Variants in SH3GL2 observed in about 807,000 individuals in gnomAD.
SH3GL2 encodes endophilin-A1.
Under a neutral mutation model 46.0 loss-of-function variants are expected in SH3GL2, and 24 were observed. The observed-to-expected ratio is 0.52, with a 90% CI of 0.38 to 0.73. The LOEUF (loss-of-function observed/expected upper bound fraction) is 0.73, where lower values mean the gene tolerates loss of function less well. SH3GL2 is among the 30% of genes least tolerant of loss of function. The pLI is 0.00. For missense variants in SH3GL2, 413 were observed against 424.2 expected (o/e 0.97, Z 0.23); for synonymous variants, 196 against 147.1 (o/e 1.33, Z -2.40).
At chr9:17,611,282 G>A (rs1028788567) in intron 1 of SH3GL2, among the ~76,000 whole-genome samples, 3 of 152,102 alleles carry the variant, frequency 2.0e-5, no homozygotes, top group Admixed American at 6.5e-5. Flanking sequence ...TTATTTCATA[G>A]GGTAAACGTG....
At chr9:17,640,587 A>G (rs1819655942) in intron 1 of SH3GL2, among the ~76,000 whole-genome samples, 1 of 152,146 alleles carries the variant, frequency 6.6e-6, no homozygotes, top group African/African-American at 2.4e-5. Context: ...CCCACCTGCA[A>G]GGCTGTTGTG....
chr9:17,623,123 A>G (rs2134606471), intron 1 of SH3GL2, among the ~76,000 whole-genome samples: 2 of 120,884 alleles, frequency 1.7e-5, no homozygotes, highest in East Asian at 5.2e-4. Flanking sequence ...GCTTTAGTTC[A>G]CTGTTTGGAA....
intron 3 of SH3GL2, among the ~76,000 whole-genome samples, chr9:17,775,327 C>T (rs1045770692): frequency 3.9e-5 from 6 of 152,134 alleles, no homozygotes; most frequent in Middle Eastern, 3.4e-3. Flanking sequence ...GCCATTTCAA[C>T]GAAATAGCCG....
intron 1 of SH3GL2, among the ~76,000 whole-genome samples, chr9:17,687,802 A>G (rs555564764): frequency 6.6e-6 from 1 of 152,204 alleles, no homozygotes; most frequent in Non-Finnish European, 1.5e-5. Context: ...GTGAATCTCA[A>G]GGCAGTATGG....
At chr9:17,759,753 A>G (rs1454503289) in intron 2 of SH3GL2, among the ~76,000 whole-genome samples, 1 of 152,166 alleles carries the variant, frequency 6.6e-6, no homozygotes, top group Non-Finnish European at 1.5e-5. Context: ...TCAAACAGCC[A>G]TTGGAAAATT....
intron 3 of SH3GL2, among the ~76,000 whole-genome samples, chr9:17,761,858 A>G (rs1209398350): frequency 6.6e-6 from 1 of 152,228 alleles, no homozygotes; most frequent in Non-Finnish European, 1.5e-5. Context: ...AGTTTAAGGT[A>G]AGATATAATG....
intron 1 of SH3GL2, among the ~76,000 whole-genome samples, chr9:17,717,623 C>T (rs373454939): frequency 6.6e-6 from 1 of 152,080 alleles, no homozygotes; most frequent in Non-Finnish European, 1.5e-5. Flanking sequence ...GCCCTCTCTG[C>T]CTTCCAGGGA....
At chr9:17,632,741 A>G (rs1178647406) in intron 1 of SH3GL2, among the ~76,000 whole-genome samples, 1 of 152,184 alleles carries the variant, frequency 6.6e-6, no homozygotes, top group African/African-American at 2.4e-5. Flanking sequence ...GTGACAGGCA[A>G]GCTTTTAGCT....
intron 1 of SH3GL2, among the ~76,000 whole-genome samples, chr9:17,597,012 T>A (rs1484157610): frequency 1.3e-5 from 2 of 152,172 alleles, no homozygotes; most frequent in African/African-American, 4.8e-5. Flanking sequence ...TTCTGTGAAA[T>A]CATTTCTAGA....
intron 1 of SH3GL2, among the ~76,000 whole-genome samples, chr9:17,641,653 A>C (rs1819685919): frequency 1.3e-5 from 2 of 152,012 alleles, no homozygotes; most frequent in East Asian, 3.9e-4. Context: ...ATGTGTTCTC[A>C]TTGTTCAACA....
intron 1 of SH3GL2, among the ~76,000 whole-genome samples, chr9:17,710,817 G>A (rs1477982831): frequency 3.3e-5 from 5 of 151,872 alleles, no homozygotes; most frequent in African/African-American, 4.8e-5. Flanking sequence ...TAATAGTACA[G>A]CTCTCTCCTC....
intron 1 of SH3GL2, among the ~76,000 whole-genome samples, chr9:17,629,124 G>A (rs1819362396): frequency 6.6e-6 from 1 of 152,098 alleles, no homozygotes; most frequent in African/African-American, 2.4e-5. Flanking sequence ...TGGTTGGCTG[G>A]GAGGCAGGAG....
intron 3 of SH3GL2, among the ~76,000 whole-genome samples, chr9:17,776,450 G>A (rs1171136100): frequency 2.0e-5 from 3 of 152,056 alleles, no homozygotes; most frequent in Non-Finnish European, 4.4e-5. Flanking sequence ...AAGAATCTCA[G>A]GGGCTTTCCT....
chr9:17,665,358 G>A (rs919923032), intron 1 of SH3GL2, among the ~76,000 whole-genome samples: 3 of 151,980 alleles, frequency 2.0e-5, no homozygotes, highest in Non-Finnish European at 4.4e-5. Flanking sequence ...TAATTATTAT[G>A]TCTTAAGTTT....
At position 17,683,920 on chromosome 9, in the gene SH3GL2, A is replaced by G. The variant is rs1820838179; in HGVS notation, c.46-63146A>G. Among the ~76,000 whole-genome samples the G allele has an allele frequency of 2.0e-5, 3 of 152,058 alleles. 1 individual carries two copies. On this transcript the variant is annotated intron_variant, in intron 1 of 8. Transcript: ENST00000380607. ...GCTCTCAACTCCTGACTCCTGACTA[A>G]ATTGAATCAACTCCCCACACTTAAG...
At chr9:17,707,928 A>G (rs1465513300) in intron 1 of SH3GL2, among the ~76,000 whole-genome samples, 2 of 152,044 alleles carry the variant, frequency 1.3e-5, no homozygotes, top group Non-Finnish European at 2.9e-5. Flanking sequence ...AATCCAAATA[A>G]AAGGTGAGAC....
chr9:17,607,060 G>T (rs1341617473), intron 1 of SH3GL2, among the ~76,000 whole-genome samples: 1 of 152,156 alleles, frequency 6.6e-6, no homozygotes, highest in Non-Finnish European at 1.5e-5. Flanking sequence ...TGTGTCTGGG[G>T]AAAGGACTAC....
intron 3 of SH3GL2, among the ~76,000 whole-genome samples, chr9:17,782,411 A>T (rs960660371): frequency 1.3e-5 from 2 of 152,204 alleles, no homozygotes; most frequent in Non-Finnish European, 2.9e-5. Context: ...AAAGAGCCAG[A>T]TTCCTAAGGG....
At chr9:17,773,399 G>C (rs1305573977) in intron 3 of SH3GL2, among the ~76,000 whole-genome samples, 1 of 152,102 alleles carries the variant, frequency 6.6e-6, no homozygotes, top group East Asian at 1.9e-4. Flanking sequence ...CCAGTGTCAT[G>C]AAGCTTTTGC....
Sources: gnomAD v4.1 joint callset for allele counts (sites outside exome capture counted in the v4.1 genomes callset) on GRCh38, gnomAD v4.1.1 for gene constraint, MANE v1.5 for transcripts, NCBI Gene and HGNC (gene_info 2026-07-23, HGNC 2026-07-21) for gene names.